The following ASMTL variants were observed in gnomAD, a reference collection of about 807,000 sequenced individuals.
The protein encoded by ASMTL is probable bifunctional dTTP/UTP pyrophosphatase/methyltransferase protein.
In ASMTL, 57 loss-of-function variants were observed where a neutral mutation model predicts 60.3. The ratio of observed to expected loss-of-function variants is 0.95; its 90% CI spans 0.76 to 1.18. ASMTL has a LOEUF of 1.18. Ranked by LOEUF, ASMTL falls within the 50% of genes most tolerant of loss-of-function variation. The pLI, the probability that ASMTL is intolerant of heterozygous loss-of-function variation, is 0.00. For missense variants in ASMTL, 981 were observed against 852.6 expected, an observed-to-expected ratio of 1.15 and a Z score of -1.88; for synonymous variants, 419 against 373.0, an observed-to-expected ratio of 1.12 and a Z score of -1.42.
intron 2 of ASMTL, 40 bp downstream of exon 2, chrX:1,442,146 A>C: frequency 6.2e-7 from 1 of 1,604,974 alleles, no homozygotes; most frequent in Non-Finnish European, 8.5e-7. Flanking sequence ...CATCACAGCA[A>C]AGGAATTTTC....
intron 2 of ASMTL, among the ~76,000 whole-genome samples, chrX:1,440,654 T>G (rs1352667582): frequency 1.3e-5 from 2 of 151,996 alleles, no homozygotes; most frequent in Non-Finnish European, 2.9e-5. Flanking sequence ...TGTATTACGG[T>G]GGGGTGCGGT....
chrX:1,417,137 A>C lies in ASMTL; in HGVS notation c.1522+836T>G, dbSNP rs112581161. 6.2e-3 allele frequency among the ~76,000 whole-genome samples: 939 copies of C among 151,794 alleles called. 8 individuals are homozygous for C. Among genetic ancestry groups the C allele is most frequent in the African/African-American group, 0.022 (900 of 41,358 alleles). ...CCCAGACACATGCACACAGACACAC[A>C]ACCACAGCAGTCACATATGCACACA... On this transcript the variant is annotated intron_variant, in intron 11 of 12. Transcript: ENST00000381317.
intron 1 of ASMTL, 175 bp from the exon 2 acceptor site, chrX:1,442,492 AC>A: frequency 4.0e-6 from 1 of 249,314 alleles, no homozygotes; most frequent in Non-Finnish European, 6.4e-6. Context: ...CCGGGGACTG[AC>A]CAGGGCTTTC....
intron 6 of ASMTL, among the ~76,000 whole-genome samples, chrX:1,428,932 T>G (rs1603451207): frequency 6.6e-6 from 1 of 151,706 alleles, no homozygotes; most frequent in South Asian, 2.1e-4. Flanking sequence ...AGTCTCGCTC[T>G]GTCGCCCAGG....
chrX:1,412,609 C>T lies in ASMTL; in HGVS notation c.1645+123G>A, dbSNP rs769201299. Reference sequence around the variant, plus strand: ...AACTCCTGACCTCAGGTGATCCGCCCGCCTCGGCCTCCCAAAGCGCTGGGA... The same window carrying T: ...AACTCCTGACCTCAGGTGATCCGCCTGCCTCGGCCTCCCAAAGCGCTGGGA... On this transcript the variant is annotated intron_variant, in intron 12 of 12. Transcript: ENST00000381317. 17 of 1,331,856 alleles carry T rather than the reference C, an allele frequency of 1.3e-5. 1 individual carries two copies. The highest frequency in any genetic ancestry group is 4.3e-5 in the African/African-American group (3 of 69,106). The allele number at this position is 1,331,856 out of a possible 1,614,324, so 82.5% of individuals were successfully genotyped here.
chrX:1,415,552 G>T (rs1199005902), intron 11 of ASMTL, among the ~76,000 whole-genome samples: 6 of 149,034 alleles, frequency 4.0e-5, no homozygotes, highest in Admixed American at 2.7e-4. Flanking sequence ...TGCAACCTCC[G>T]CCTCCCAGGT....
intron 12 of ASMTL, 32 bp from the exon 13 acceptor site, chrX:1,403,521 G>T: frequency 6.3e-7 from 1 of 1,598,942 alleles, no homozygotes; most frequent in Non-Finnish European, 8.6e-7. Flanking sequence ...TGGAGTCCTG[G>T]CCAGCCAGGC....
At chrX:1,452,064 C>G (rs1382096924) in intron 1 of ASMTL, among the ~76,000 whole-genome samples, 1 of 150,202 alleles carries the variant, frequency 6.7e-6, no homozygotes. Context: ...TCCCCTCCCC[C>G]ACCCCTAGGG....
intron 12 of ASMTL, among the ~76,000 whole-genome samples, chrX:1,410,326 A>AAT (rs1403054830): frequency 1.5e-4 from 22 of 150,774 alleles, no homozygotes; most frequent in African/African-American, 4.9e-4. Context: ...GGATCGCTTG[A>AAT]GCCCAGGAGG....
intron 3 of ASMTL, among the ~76,000 whole-genome samples, chrX:1,436,283 C>G (rs748126952): frequency 6.6e-6 from 1 of 152,058 alleles, no homozygotes; most frequent in Non-Finnish European, 1.5e-5. Flanking sequence ...AAGTGATTCT[C>G]CTGCCTCAGC....
intron 1 of ASMTL, among the ~76,000 whole-genome samples, chrX:1,449,782 TCCC>T (rs201872829): frequency 1.0e-4 from 11 of 108,776 alleles, no homozygotes; most frequent in African/African-American, 4.3e-4. Flanking sequence ...CCAGTAACTA[TCCC>T]CCCATCACCA....
chrX:1,435,820 C>T (rs1179733667), intron 3 of ASMTL, 62 bp from the exon 4 acceptor site: 4 of 1,380,104 alleles, frequency 2.9e-6, no homozygotes, highest in Non-Finnish European at 4.1e-6. Flanking sequence ...TGTGCAAGTC[C>T]CACGGTCCCA....
chrX:1,406,482 A>AAT (rs1193441984), intron 12 of ASMTL, among the ~76,000 whole-genome samples: 1 of 141,918 alleles, frequency 7.0e-6, no homozygotes, highest in African/African-American at 2.7e-5. Context: ...TAGATAGATG[A>AAT]GTGGATGGAT....
intron 12 of ASMTL, among the ~76,000 whole-genome samples, chrX:1,411,341 T>C (rs2090012170): frequency 6.6e-6 from 1 of 152,172 alleles, no homozygotes; most frequent in Non-Finnish European, 1.5e-5. Context: ...TTAACCGTTG[T>C]CTGCAAATAT....
Position 1,421,639 on chromosome X carries a change from C to G in ASMTL, c.1245+19G>C. The G allele has an allele frequency of 6.2e-7, 1 of 1,613,496 alleles. No homozygotes were observed. The highest frequency in any genetic ancestry group is 1.3e-5 in the African/African-American group (1 of 74,922). On this transcript the variant is annotated intron_variant, in intron 9 of 12. Transcript: ENST00000381317. ...AATGCACGCTAGACGGAAAGGTGTCCGCGGGGGTGTTATGCTACCTGGAAC... is the reference window on the plus strand; with the variant it reads ...AATGCACGCTAGACGGAAAGGTGTCGGCGGGGGTGTTATGCTACCTGGAAC...
chrX:1,407,818 G>T (rs141197404), intron 12 of ASMTL, among the ~76,000 whole-genome samples: 1 of 151,900 alleles, frequency 6.6e-6, no homozygotes, highest in African/African-American at 2.4e-5. Context: ...GAGGAAGGAG[G>T]AGAGAAGAGA....
chrX:1,433,489 C>T (rs1253722956), intron 5 of ASMTL, among the ~76,000 whole-genome samples: 1 of 139,184 alleles, frequency 7.2e-6, no homozygotes, highest in South Asian at 2.4e-4. Context: ...CACGGTGAAA[C>T]CCCGTCTCTA....
At chrX:1,453,435 C>A (rs2091445902), upstream of ASMTL, among the ~76,000 whole-genome samples, 1 of 151,888 alleles carries the variant, frequency 6.6e-6, no homozygotes, top group African/African-American at 2.4e-5. Flanking sequence ...CCGGCGCTCG[C>A]CCCGCCCCTC....
In ASMTL at chrX:1,421,677, T is replaced by G. The variant is rs1450477687; in HGVS notation, c.1226A>C (p.Lys409Thr). 5 of 1,613,914 alleles carry G rather than the reference T, an allele frequency of 3.1e-6. No individual in the cohort carries two copies. The highest frequency in any genetic ancestry group is 1.3e-5 in the African/African-American group (1 of 75,038). Reference protein sequence around the residue: ...TNQHHRALGKKAEDLFQDAYY... With the variant: ...TNQHHRALGKTAEDLFQDAYY... ...TGCTACCTGGAACAGATCTTCCGCCTTCTTCCCCAACGCCCTGTGGTGCTG... is the reference window on the plus strand; with the variant it reads ...TGCTACCTGGAACAGATCTTCCGCCGTCTTCCCCAACGCCCTGTGGTGCTG... Residue 409 changes from lysine (K) to threonine (T), a missense_variant, in exon 9 of 13, where the codon AAG (lysine) becomes ACG (threonine). By Grantham distance (78) the Lys-to-Thr change is moderately conservative. Transcript: ENST00000381317.
Sources: allele counts gnomAD v4.1 joint callset (sites outside exome capture counted in the v4.1 genomes callset), GRCh38; gene constraint gnomAD v4.1.1; transcripts MANE v1.5; gene names NCBI Gene and HGNC (gene_info 2026-07-23, HGNC 2026-07-21).